The following MINK1 variants were observed in gnomAD, a reference collection of about 807,000 sequenced individuals.
The protein encoded by MINK1 is misshapen-like kinase 1.
In MINK1, 46 loss-of-function variants were observed where a neutral mutation model predicts 178.4. That is an observed-to-expected ratio of 0.26 (90% CI 0.20 to 0.33). The LOEUF is 0.33. Among genes scored for constraint, MINK1 ranks in the 10% least tolerant of loss-of-function variants. MINK1 has a pLI of 1.00. For missense variants in MINK1, 1,366 were observed against 1,814.9 expected (o/e 0.75, Z 4.49); for synonymous variants, 797 against 709.7 (o/e 1.12, Z -1.96).
intron 1 of MINK1, among the ~76,000 whole-genome samples, chr17:4,878,105 C>T (rs977075862): frequency 8.5e-5 from 13 of 152,218 alleles, no homozygotes; most frequent in African/African-American, 2.2e-4. Flanking sequence ...CCACCGTGCC[C>T]GGCCACTCAC....
chr17:4,853,532 G>A (rs137902653), intron 1 of MINK1, among the ~76,000 whole-genome samples: 3 of 151,812 alleles, frequency 2.0e-5, no homozygotes, highest in East Asian at 1.9e-4. Flanking sequence ...AAGTTTGAGC[G>A]CTTGCTTCAC....
At chr17:4,889,610 CG>C (rs1968565067) in intron 12 of MINK1, 36 bp from the exon 13 acceptor site, 1 of 1,524,054 alleles carries the variant, frequency 6.6e-7, no homozygotes. Flanking sequence ...ACGCGATGTC[CG>C]GTATGGTTCT....
At chr17:4,879,642 C>G (rs144920858) in intron 2 of MINK1, among the ~76,000 whole-genome samples, 10,900 of 152,290 alleles carry the variant, frequency 0.072, 556 homozygotes, top group East Asian at 0.26. Context: ...CCCCAGGAAG[C>G]CTTTGGGCAT....
chr17:4,863,145 A>G (rs1914436133), intron 1 of MINK1, among the ~76,000 whole-genome samples: 1 of 152,234 alleles, frequency 6.6e-6, no homozygotes, highest in Admixed American at 6.5e-5. Context: ...CAGCCCAGAC[A>G]GTTCCTTGGA....
Position 4,890,232 on chromosome 17 carries a change from G to A in MINK1, c.1348-285G>A, listed in dbSNP as rs1193029973. 4.4e-6 allele frequency: 5 copies of A among 1,126,792 alleles called. No individual in the cohort carries two copies. The African/African-American group carries it at 7.1e-5, about 16-fold the overall frequency. The allele number at this position is 1,126,792 out of a possible 1,614,324, so 69.8% of individuals were successfully genotyped here. A position where few individuals can be genotyped will look rare whatever the true frequency, so the allele number is the denominator to read the frequency against. ...CACCCCGTCCCCCAGGAATATATTC[G>A]TCACAGGCTAGAGGAGGAGCAGCGA... On this transcript the variant is annotated intron_variant, in intron 13 of 31. Coordinates refer to ENST00000355280, the MANE Select transcript of MINK1 (RefSeq NM_153827.5).
At chr17:4,881,709 G>C (rs931412746) in intron 4 of MINK1, among the ~76,000 whole-genome samples, 1 of 152,260 alleles carries the variant, frequency 6.6e-6, no homozygotes, top group African/African-American at 2.4e-5. Flanking sequence ...ATGCTACAGA[G>C]CACCCAGCCC....
intron 12 of MINK1, among the ~76,000 whole-genome samples, chr17:4,888,773 G>A (rs1409599366): frequency 1.5e-5 from 2 of 134,266 alleles, no homozygotes; most frequent in Non-Finnish European, 3.1e-5. Flanking sequence ...TAGGCTCACC[G>A]CAAAACCTCC....
At chr17:4,861,697 C>T (rs1461435342) in intron 1 of MINK1, 3 of 297,498 alleles carry the variant, frequency 1.0e-5, no homozygotes, top group Non-Finnish European at 2.1e-5. Context: ...GACAGAGTTT[C>T]ACCATGTTGG....
At chr17:4,840,497 T>A (rs559402031) in intron 1 of MINK1, among the ~76,000 whole-genome samples, 1 of 150,660 alleles carries the variant, frequency 6.6e-6, no homozygotes, top group South Asian at 2.1e-4. Context: ...CTCTGGGTCC[T>A]GGGTCTGTAG....
At chr17:4,844,329 T>A (rs1910683047) in intron 1 of MINK1, among the ~76,000 whole-genome samples, 1 of 152,162 alleles carries the variant, frequency 6.6e-6, no homozygotes, top group Admixed American at 6.6e-5. Flanking sequence ...ATGTGTGATA[T>A]TTCTGTGACT....
chr17:4,867,028 G>C lies in MINK1; in HGVS notation c.58-11289G>C, dbSNP rs371054520. 2.1e-5 allele frequency among the ~76,000 whole-genome samples: 3 copies of C among 144,298 alleles called. No individual in the cohort carries two copies. The East Asian group carries it at 6.3e-4, about 30-fold the overall frequency. The allele number at this position is 144,298 out of a possible 152,430, so 94.7% of individuals were successfully genotyped here. Reference sequence around the variant, plus strand: ...GCGGAGCTTGTAGTGAACCGGGACCGTGCCGCTTGCACTCCAGCCTGGGTG... The same window carrying C: ...GCGGAGCTTGTAGTGAACCGGGACCCTGCCGCTTGCACTCCAGCCTGGGTG... On this transcript the variant is annotated intron_variant, in intron 1 of 31. Transcript: ENST00000355280.
chr17:4,891,976 C>T (rs1039115111), intron 16 of MINK1, among the ~76,000 whole-genome samples, 173 bp from the exon 17 acceptor site: 7 of 152,112 alleles, frequency 4.6e-5, no homozygotes, highest in Admixed American at 1.3e-4. Flanking sequence ...CAGTTAGAAC[C>T]GCAGCTCCAC....
chr17:4,876,347 AG>A (rs977720745), intron 1 of MINK1, among the ~76,000 whole-genome samples: 2 of 150,678 alleles, frequency 1.3e-5, no homozygotes. Flanking sequence ...AAGTAAATGT[AG>A]AGCACAATGC....
At chr17:4,868,231 C>A (rs1597464001) in intron 1 of MINK1, among the ~76,000 whole-genome samples, 1 of 152,190 alleles carries the variant, frequency 6.6e-6, no homozygotes, top group South Asian at 2.1e-4. Flanking sequence ...CCTTCCTCGA[C>A]CTCCCAAAGT....
intron 12 of MINK1, among the ~76,000 whole-genome samples, chr17:4,889,112 T>G (rs1016015024): frequency 1.2e-4 from 19 of 152,258 alleles, no homozygotes; most frequent in African/African-American, 4.1e-4. Flanking sequence ...TGTGCTTTTG[T>G]TGGTGGTGGT....
Position 4,884,485 on chromosome 17 carries a change from G to T in MINK1, c.417+12G>T, listed in dbSNP as rs1968014076. On this transcript the variant is annotated intron_variant, in intron 5 of 31. Coordinates refer to ENST00000355280, the MANE Select transcript of MINK1 (RefSeq NM_153827.5). ...GGGAGATCCTCAGGGTGAGCTCAAGGCCCCTCCCCTTGTCTTCTCCTCCGC... is the reference window on the plus strand; with the variant it reads ...GGGAGATCCTCAGGGTGAGCTCAAGTCCCCTCCCCTTGTCTTCTCCTCCGC... 3.8e-6 allele frequency: 6 copies of T among 1,592,744 alleles called. No individual in the cohort carries two copies. The highest frequency in any genetic ancestry group is 5.2e-6 in the Non-Finnish European group (6 of 1,160,872).
intron 1 of MINK1, among the ~76,000 whole-genome samples, chr17:4,860,405 A>G (rs1913977420): frequency 6.6e-6 from 1 of 152,144 alleles, no homozygotes; most frequent in Non-Finnish European, 1.5e-5. Flanking sequence ...TCTGAGTTTC[A>G]GTTCGTGTCC....
At position 4,887,060 on chromosome 17, in the gene MINK1, G is replaced by C. The variant is rs202044689; in HGVS notation, c.950-50G>C. On this transcript the variant is annotated intron_variant, in intron 10 of 31. Transcript: ENST00000355280. This position sits in a 1 kb window ranked among gnomAD's most constrained non-coding sequence, Gnocchi z 7.6. ...CCCACCCAAGGTTTCCCTAGCCCAC[G>C]GCGGGTCTGGGGCGCTGGGTGAGAT... 1 of 1,541,020 alleles carries C rather than the reference G, an allele frequency of 6.5e-7. No homozygotes were observed.
At chr17:4,874,893 A>G (rs1450791769) in intron 1 of MINK1, among the ~76,000 whole-genome samples, 1 of 152,170 alleles carries the variant, frequency 6.6e-6, no homozygotes, top group African/African-American at 2.4e-5. Flanking sequence ...AGAAGGAGAC[A>G]GATTGGGAGT....
Sources: gnomAD v4.1 joint callset for allele counts (sites outside exome capture counted in the v4.1 genomes callset) on GRCh38, gnomAD v4.1.1 for gene constraint, Gnocchi (gnomAD v3.1) non-coding constraint, MANE v1.5 for transcripts, NCBI Gene and HGNC (gene_info 2026-07-23, HGNC 2026-07-21) for gene names.